KCNH2: variants seen among roughly 807,000 people sequenced by gnomAD.
The protein encoded by KCNH2 is voltage-gated inwardly rectifying potassium channel KCNH2.
In KCNH2, 35 loss-of-function variants were observed where a neutral mutation model predicts 95.9. That is an observed-to-expected ratio of 0.37 (90% CI 0.28 to 0.48). The LOEUF is 0.48. KCNH2 is among the 20% of genes least tolerant of loss of function. The probability of loss-of-function intolerance (pLI) is 0.99; values close to 1 mark genes in which losing one functional copy is unlikely to be tolerated. For synonymous variants in KCNH2, 786 were observed against 754.7 expected, an observed-to-expected ratio of 1.04 and a Z score of -0.68; for missense variants, 1,274 against 1,702.9, an observed-to-expected ratio of 0.75 and a Z score of 4.43.
chr7:150,965,341 C>T (rs1801674861), intron 2 of KCNH2, among the ~76,000 whole-genome samples: 1 of 152,176 alleles, frequency 6.6e-6, no homozygotes. Context: ...CCCCGGACCA[C>T]AGCAATGCCT....
chr7:150,973,109 A>G (rs1054740916), intron 2 of KCNH2, among the ~76,000 whole-genome samples: 2 of 152,198 alleles, frequency 1.3e-5, no homozygotes, highest in Admixed American at 1.3e-4. Flanking sequence ...AAGTCAACCA[A>G]CTTGTCCAGT....
chr7:150,957,892 AG>A (rs1167384526), intron 4 of KCNH2, among the ~76,000 whole-genome samples, 166 bp downstream of exon 4: 1 of 152,234 alleles, frequency 6.6e-6, no homozygotes, highest in Admixed American at 6.5e-5. Flanking sequence ...GACATTTAAT[AG>A]CGCAACAAGC....
Position 150,958,408 on chromosome 7 carries a change from G to A in KCNH2, c.567C>T (p.Gly189=). The part of the protein sequence containing the change: ...SVRSGGAGGA[G]APGAVVVDVD... Reference sequence around the variant, plus strand: ...CGTCCACCACCACGGCCCCCGGGGCGCCCGCGCCGCCCGCGCCGCCCGACC... The same window carrying A: ...CGTCCACCACCACGGCCCCCGGGGCACCCGCGCCGCCCGCGCCGCCCGACC... The change falls in exon 4 of 15, where the codon GGC becomes GGT. Residue 189 remains glycine (G), a synonymous_variant. Transcript: ENST00000262186. 1.4e-6 allele frequency: 2 copies of A among 1,428,600 alleles called. No individual in the cohort carries two copies. Among genetic ancestry groups the A allele is most frequent in the Non-Finnish European group, 1.8e-6 (2 of 1,100,638 alleles). 88.5% of individuals were successfully genotyped at this position (1,428,600 alleles called of 1,614,324 possible).
intron 5 of KCNH2, among the ~76,000 whole-genome samples, chr7:150,953,441 G>A (rs563302919): frequency 2.0e-4 from 31 of 152,068 alleles, no homozygotes; most frequent in Non-Finnish European, 3.4e-4. Context: ...ACACAGGTCC[G>A]GGACAGCCCA....
chr7:150,952,954 G>T lies in KCNH2; in HGVS notation c.1129-101C>A. On this transcript the variant is annotated intron_variant, in intron 5 of 14. Coordinates refer to ENST00000262186, the MANE Select transcript of KCNH2 (RefSeq NM_000238.4). This position sits in a 1 kb window ranked among gnomAD's most constrained non-coding sequence, Gnocchi z 7.3. ...CGGGGCCAAGCAGAATGAGGAGGAGGCCAAAAAAAGCTTCCATCAGAATGC... is the reference window on the plus strand; with the variant it reads ...CGGGGCCAAGCAGAATGAGGAGGAGTCCAAAAAAAGCTTCCATCAGAATGC... 1.8e-6 allele frequency: 2 copies of T among 1,137,544 alleles called. No individual in the cohort carries two copies. The highest frequency in any genetic ancestry group is 2.0e-4 in the Middle Eastern group (1 of 5,028). The allele number at this position is 1,137,544 out of a possible 1,614,324, so 70.5% of individuals were successfully genotyped here.
Position 150,946,534 on chromosome 7 carries a change from G to A in KCNH2, c.3330+343C>T, listed in dbSNP as rs924727646. 3.9e-5 allele frequency among the ~76,000 whole-genome samples: 6 copies of A among 152,192 alleles called. No individual in the cohort carries two copies. Among genetic ancestry groups the A allele is most frequent in the Admixed American group, 6.5e-5 (1 of 15,284 alleles). On this transcript the variant is annotated intron_variant, in intron 14 of 14. Transcript: ENST00000262186. The surrounding 1 kb of genome is among the most constrained non-coding windows in gnomAD (Gnocchi z 6.5). The stretch of plus-strand genomic sequence containing the variant: ...CAGTTCTTGGAGACCACCCGTGGCC[G>A]TGAGACAGGCACCACCGTTGGAGCT...
chr7:150,966,927 C>G (rs1226452346), intron 2 of KCNH2, among the ~76,000 whole-genome samples: 1 of 152,142 alleles, frequency 6.6e-6, no homozygotes, highest in East Asian at 1.9e-4. Context: ...TAATTCCAAT[C>G]AAGAATCTAG....
In KCNH2 at chr7:150,958,487, A is replaced by T. The variant is rs892406288; in HGVS notation, c.488T>A (p.Phe163Tyr). The T allele has an allele frequency of 2.7e-6, 4 of 1,472,356 alleles. No homozygotes were observed. Among genetic ancestry groups the T allele is most frequent in the Non-Finnish European group, 3.6e-6 (4 of 1,118,378 alleles). 91.2% of individuals were successfully genotyped at this position (1,472,356 alleles called of 1,614,324 possible). Residue 163 changes from phenylalanine to tyrosine, a missense_variant, in exon 4 of 15, where the codon TTC (phenylalanine) becomes TAC (tyrosine). Physicochemically the swap from Phe to Tyr is conservative, Grantham distance 22 (BLOSUM62 3). This residue lies in a region of KCNH2 where 392 missense variants were observed against 429.9 expected (regional missense o/e 0.91). Coordinates refer to ENST00000262186, the MANE Select transcript of KCNH2 (RefSeq NM_000238.4). The part of the protein sequence containing the change: ...SWLAPGRAKT[F>Y]RLKLPALLAL... ...CAGCAGCGCGGGCAGCTTCAGGCGGAAGGTCTTGGCGCGGCCTGCGGGAGA... is the reference window on the plus strand; with the variant it reads ...CAGCAGCGCGGGCAGCTTCAGGCGGTAGGTCTTGGCGCGGCCTGCGGGAGA...
chr7:150,969,664 G>A (rs553242433), intron 2 of KCNH2, among the ~76,000 whole-genome samples: 9 of 152,322 alleles, frequency 5.9e-5, no homozygotes, highest in East Asian at 1.9e-4. Context: ...CCGAGCTCTC[G>A]CTGTGCACTG....
chr7:150,966,403 A>T (rs1349992425), intron 2 of KCNH2, among the ~76,000 whole-genome samples: 1 of 69,632 alleles, frequency 1.4e-5, no homozygotes, highest in South Asian at 5.6e-4. Context: ...ACACACACAC[A>T]CACACAGGAC....
In KCNH2 at chr7:150,978,039, C is replaced by T. The variant is rs1289290120; in HGVS notation, c.-126G>A. On this transcript the variant is annotated 5_prime_UTR_variant, in exon 1 of 15. Coordinates refer to ENST00000262186, the MANE Select transcript of KCNH2 (RefSeq NM_000238.4). ...CCCGCGGCCAAGCCGAGCACGGGCG[C>T]GGCCAAGACTGGACTGCGGGCGCCG... is the stretch of plus-strand genomic sequence containing the variant. The T allele has an allele frequency of 1.2e-5, 4 of 341,092 alleles. No individual in the cohort carries two copies. Among genetic ancestry groups the T allele is most frequent in the Non-Finnish European group, 1.5e-5 (3 of 202,514 alleles). The allele number at this position is 341,092 out of a possible 1,614,324, so 21.1% of individuals were successfully genotyped here. A position where few individuals can be genotyped will look rare whatever the true frequency, so the allele number is the denominator to read the frequency against.
At chr7:150,949,818 G>T in intron 9 of KCNH2, 1 of 1,242,204 alleles carries the variant, frequency 8.1e-7, no homozygotes, top group Non-Finnish European at 1.0e-6. Context: ...GAACCACATG[G>T]CCCTTAGTGA....
chr7:150,948,416 T>TTCCCCCCCCCCCCCC, intron 11 of KCNH2, 28 bp downstream of exon 11: 2 of 402,880 alleles, frequency 5.0e-6, no homozygotes, highest in East Asian at 5.4e-5. Flanking sequence ...GTCCCCGCCC[T>TTCCCCCCCCCCCCCC]CCCCCTTCCT....
intron 5 of KCNH2, chr7:150,955,878 C>G (rs1329748387): frequency 1.0e-5 from 10 of 1,004,198 alleles, no homozygotes; most frequent in African/African-American, 1.7e-5. Context: ...TAGGCTCCCC[C>G]GCCCCGCCGG....
At chr7:150,958,523 G>T (rs1215994403) in intron 3 of KCNH2, 21 bp from the exon 4 acceptor site, 1 of 1,471,992 alleles carries the variant, frequency 6.8e-7, no homozygotes, top group Non-Finnish European at 8.9e-7. Context: ...GGAGAGGCAC[G>T]TGGTCGTGGG....
Position 150,959,684 on chromosome 7 carries a change from C to T in KCNH2, c.360G>A (p.Gly120=). The part of the protein sequence containing the change: ...VDVVPVKNED[G]AVIMFILNFE... ...AATTGAGGATGAACATGATGACAGC[C>T]CCATCCTCGTTCTTCACGGGCACCA... The change falls in exon 3 of 15, where the codon GGG becomes GGA. Residue 120 remains glycine, a synonymous_variant. Coordinates refer to ENST00000262186, the MANE Select transcript of KCNH2 (RefSeq NM_000238.4). The T allele has an allele frequency of 1.2e-6, 2 of 1,614,074 alleles. No individual in the cohort carries two copies. The highest frequency in any genetic ancestry group is 1.7e-6 in the Non-Finnish European group (2 of 1,180,000).
intron 2 of KCNH2, among the ~76,000 whole-genome samples, chr7:150,963,152 G>A (rs1422521571): frequency 4.6e-5 from 7 of 152,208 alleles, no homozygotes; most frequent in South Asian, 2.1e-4. Flanking sequence ...GAGCCACTCC[G>A]TGGCAGGCAC....
At chr7:150,955,462 C>T (rs748043192) in intron 5 of KCNH2, 10 of 1,561,662 alleles carry the variant, frequency 6.4e-6, no homozygotes, top group Admixed American at 1.9e-5. Flanking sequence ...CCCTGGGCCG[C>T]AGAGCCCCTG....
chr7:150,955,378 GGACC>G, intron 5 of KCNH2: 1 of 1,551,674 alleles, frequency 6.4e-7, no homozygotes, highest in South Asian at 1.2e-5. Context: ...AGAAGAGGAA[GGACC>G]GGGTGTCACC....
Sources: allele counts gnomAD v4.1 joint callset (sites outside exome capture counted in the v4.1 genomes callset), GRCh38; gene constraint gnomAD v4.1.1; regional missense constraint gnomAD v4.1.1; non-coding constraint Gnocchi (gnomAD v3.1); transcripts MANE v1.5; gene names NCBI Gene and HGNC (gene_info 2026-07-23, HGNC 2026-07-21).